The following CDKAL1 variants were observed in gnomAD, a reference collection of about 807,000 sequenced individuals.
CDKAL1 encodes the protein CDKAL1 threonylcarbamoyladenosine tRNA methylthiotransferase, also known as threonylcarbamoyladenosine tRNA methylthiotransferase.
A neutral mutation model predicts 68.2 loss-of-function variants in CDKAL1; 32 were observed. That is an observed-to-expected ratio of 0.47 (90% CI 0.35 to 0.63). The LOEUF is 0.63. Among genes scored for constraint, CDKAL1 ranks in the 30% least tolerant of loss-of-function variants. The pLI is 0.00. For synonymous variants in CDKAL1, 234 were observed against 244.3 expected (o/e 0.96, Z 0.39); for missense variants, 606 against 696.7 (o/e 0.87, Z 1.47).
chr6:20,743,115 A>C (rs1773527531), intron 6 of CDKAL1, among the ~76,000 whole-genome samples: 1 of 152,202 alleles, frequency 6.6e-6, no homozygotes, highest in Admixed American at 6.5e-5. Flanking sequence ...GTCCAAAAAG[A>C]ATAGATGTTT....
At chr6:20,847,527 T>C (rs1778420988) in intron 9 of CDKAL1, among the ~76,000 whole-genome samples, 1 of 152,218 alleles carries the variant, frequency 6.6e-6, no homozygotes, top group Admixed American at 6.5e-5. Context: ...ACATCATGCA[T>C]TTCTAAGTGC....
intron 9 of CDKAL1, among the ~76,000 whole-genome samples, chr6:20,865,341 T>C (rs961426783): frequency 1.3e-5 from 2 of 152,188 alleles, no homozygotes; most frequent in African/African-American, 4.8e-5. Context: ...TGGATCATTT[T>C]GAGAGAAGCC....
chr6:20,859,807 C>T (rs1406290454), intron 9 of CDKAL1, among the ~76,000 whole-genome samples: 1 of 152,214 alleles, frequency 6.6e-6, no homozygotes, highest in Non-Finnish European at 1.5e-5. Flanking sequence ...GATCTGGCTG[C>T]ACTTTCCATT....
intron 12 of CDKAL1, among the ~76,000 whole-genome samples, chr6:21,107,475 T>G (rs1205442584): frequency 2.0e-5 from 3 of 152,136 alleles, no homozygotes; most frequent in Non-Finnish European, 2.9e-5. Flanking sequence ...TTGCCCAGGC[T>G]GGAGTGCAGT....
chr6:20,755,822 G>C (rs897892834), intron 6 of CDKAL1, among the ~76,000 whole-genome samples: 1 of 152,200 alleles, frequency 6.6e-6, no homozygotes, highest in Non-Finnish European at 1.5e-5. Flanking sequence ...CCAATATTGT[G>C]TGGTGAATTT....
At chr6:20,647,132 A>G (rs1007470428) in intron 4 of CDKAL1, among the ~76,000 whole-genome samples, 1 of 152,230 alleles carries the variant, frequency 6.6e-6, no homozygotes, top group Non-Finnish European at 1.5e-5. Flanking sequence ...TCTTGTCTGC[A>G]TAATATGGTT....
chr6:21,224,058 A>T (rs2151126925), intron 15 of CDKAL1, among the ~76,000 whole-genome samples: 1 of 152,274 alleles, frequency 6.6e-6, no homozygotes, highest in African/African-American at 2.4e-5. Context: ...GCCTGAACTG[A>T]GTACGCTTTC....
At chr6:20,604,889 T>C (rs1766268118) in intron 4 of CDKAL1, among the ~76,000 whole-genome samples, 1 of 152,236 alleles carries the variant, frequency 6.6e-6, no homozygotes. Flanking sequence ...AGATCTTTTA[T>C]TTCCTTTCTT....
At chr6:20,717,522 T>C (rs930733722) in intron 5 of CDKAL1, among the ~76,000 whole-genome samples, 2 of 152,012 alleles carry the variant, frequency 1.3e-5, no homozygotes, top group African/African-American at 4.8e-5. Context: ...GATATGATGG[T>C]GTAATGAAAC....
At chr6:21,226,838 G>T (rs1016639588) in intron 15 of CDKAL1, among the ~76,000 whole-genome samples, 31 of 152,080 alleles carry the variant, frequency 2.0e-4, no homozygotes, top group African/African-American at 7.2e-4. Flanking sequence ...TCAGCCTCCC[G>T]AGTAGCTGGG....
intron 10 of CDKAL1, among the ~76,000 whole-genome samples, chr6:20,980,835 A>AG (rs1458008252): frequency 6.6e-6 from 1 of 152,194 alleles, no homozygotes; most frequent in African/African-American, 2.4e-5. Flanking sequence ...AAGAAGTTGA[A>AG]GACCTGGAAA....
At chr6:20,928,215 A>G (rs114046093) in intron 9 of CDKAL1, among the ~76,000 whole-genome samples, 2 of 152,344 alleles carry the variant, frequency 1.3e-5, no homozygotes, top group African/African-American at 4.8e-5. Context: ...GGAAGGGGGA[A>G]GGTGCCACGG....
At chr6:21,155,345 CT>C (rs1776596198) in intron 13 of CDKAL1, among the ~76,000 whole-genome samples, 1 of 152,112 alleles carries the variant, frequency 6.6e-6, no homozygotes, top group Non-Finnish European at 1.5e-5. Context: ...GTACCAATTC[CT>C]TGTACAATTG....
At chr6:21,207,229 T>G (rs918135554) in intron 15 of CDKAL1, among the ~76,000 whole-genome samples, 1 of 152,034 alleles carries the variant, frequency 6.6e-6, no homozygotes, top group Admixed American at 6.6e-5. Context: ...AAATTTTTTT[T>G]TTTTTAAGTA....
At chr6:20,668,352 T>A (rs1272987052) in intron 5 of CDKAL1, among the ~76,000 whole-genome samples, 1 of 134,630 alleles carries the variant, frequency 7.4e-6, no homozygotes. Flanking sequence ...ATGGAGTCTC[T>A]GTCTGTTGCC....
At chr6:21,157,620 CTTTG>C (rs995371656) in intron 13 of CDKAL1, among the ~76,000 whole-genome samples, 43 of 152,270 alleles carry the variant, frequency 2.8e-4, no homozygotes, top group African/African-American at 1.0e-3. Flanking sequence ...AAAGCAACCT[CTTTG>C]TTTGTTCCTC....
chr6:20,831,392 G>A (rs1048846335), intron 8 of CDKAL1, among the ~76,000 whole-genome samples: 5 of 147,014 alleles, frequency 3.4e-5, no homozygotes, highest in South Asian at 2.2e-4. Flanking sequence ...CTTTTGAAGC[G>A]TTGGTTGTGC....
chr6:20,570,131 C>T (rs912362796), intron 4 of CDKAL1, among the ~76,000 whole-genome samples: 4 of 151,946 alleles, frequency 2.6e-5, no homozygotes, highest in Non-Finnish European at 5.9e-5. Flanking sequence ...GTTGTTGAGA[C>T]GGAGTCTCTG....
At chr6:20,669,951 C>T (rs1261853979) in intron 5 of CDKAL1, among the ~76,000 whole-genome samples, 2 of 151,270 alleles carry the variant, frequency 1.3e-5, no homozygotes, top group Non-Finnish European at 2.9e-5. Context: ...ATAACTATTT[C>T]TACTTATCTG....
Sources: gnomAD v4.1 joint callset for allele counts (sites outside exome capture counted in the v4.1 genomes callset) on GRCh38, gnomAD v4.1.1 for gene constraint, MANE v1.5 for transcripts, NCBI Gene and HGNC (gene_info 2026-07-23, HGNC 2026-07-21) for gene names.